The following NECAB3 variants were observed in gnomAD, a reference collection of about 807,000 sequenced individuals.
The protein encoded by NECAB3 is N-terminal EF-hand calcium-binding protein 3.
A neutral mutation model predicts 57.2 loss-of-function variants in NECAB3; 38 were observed. The observed-to-expected ratio is 0.66, with a 90% confidence interval of 0.51 to 0.87. NECAB3 has a LOEUF of 0.87. NECAB3 is among the 40% of genes least tolerant of loss of function. The pLI is 0.00. For missense variants in NECAB3, 474 were observed against 527.5 expected (o/e 0.90, Z 0.99); for synonymous variants, 223 against 222.6 (o/e 1.00, Z -0.02).
Position 33,660,212 on chromosome 20 carries a change from T to C in NECAB3, c.524+47A>G, listed in dbSNP as rs767619063. 3.1e-6 allele frequency: 5 copies of C among 1,594,028 alleles called. No individual in the cohort carries two copies. The Admixed American group carries it at 5.1e-5, about 16-fold the overall frequency. ...GTGGGGATTTGGAATGGGGGTACAA[T>C]GGGCGCTTGTGCACTAGCCCCACAG... On this transcript the variant is annotated intron_variant, in intron 6 of 11. Coordinates refer to ENST00000246190, the MANE Select transcript of NECAB3 (RefSeq NM_031232.4). This position sits in a 1 kb window ranked among gnomAD's most constrained non-coding sequence, Gnocchi z 4.1.
Position 33,659,541 on chromosome 20 carries a change from G to C in NECAB3, c.835C>G (p.Leu279Val). The change falls in exon 8 of 12, where the codon CTG becomes GTG. Residue 279 changes from leucine to valine, a missense_variant. Coordinates refer to ENST00000246190, the MANE Select transcript of NECAB3 (RefSeq NM_031232.4). ...AGGTCCTCTTCACGCAGGGGTTCCA[G>C]CCGGGGGGCCTGTGAGGGCACAGAG... ...PHSVPSQAPR[L>V]EPLREEDLAK... The C allele has an allele frequency of 6.4e-7, 1 of 1,551,058 alleles. No homozygotes were observed.
At position 33,669,417 on chromosome 20, in the gene NECAB3, C is replaced by G; in HGVS notation, c.345G>C (p.Ser115=). The change falls in exon 5 of 12, where the codon TCG becomes TCC. Residue 115 remains serine (S), a synonymous_variant. Transcript: ENST00000246190. ...VYRPVLAALE[S]LNRAVLAAMD... ...TGGCAGCGAGCACTGCACGGTTCAGCGATTCCAATGCAGCCAGCACCGGCC... is the reference window on the plus strand; with the variant it reads ...TGGCAGCGAGCACTGCACGGTTCAGGGATTCCAATGCAGCCAGCACCGGCC... 1 of 1,613,598 alleles carries G rather than the reference C, an allele frequency of 6.2e-7. No individual in the cohort carries two copies. Among genetic ancestry groups the G allele is most frequent in the Non-Finnish European group, 8.5e-7 (1 of 1,180,024 alleles).
intron 5 of NECAB3, chr20:33,667,375 G>T: frequency 8.1e-7 from 1 of 1,239,208 alleles, no homozygotes; most frequent in Non-Finnish European, 1.0e-6. Flanking sequence ...GCTGGTGGGC[G>T]GCCTGCGGGT....
rs113881817 is a variant in NECAB3 at position 33,660,513 on chromosome 20, A to C, written c.388-118T>G. On this transcript the variant is annotated intron_variant, in intron 5 of 11. Transcript: ENST00000246190. This position sits in a 1 kb window ranked among gnomAD's most constrained non-coding sequence, Gnocchi z 4.1. ...GCAGTGCCAAGAGCAGGGGCACGCAAACCTGGCACAGGCAGGAGGGTACTG... is the reference window on the plus strand; with the variant it reads ...GCAGTGCCAAGAGCAGGGGCACGCACACCTGGCACAGGCAGGAGGGTACTG... 3.9e-4 allele frequency: 529 copies of C among 1,352,582 alleles called. 2 individuals are homozygous for C. The African/African-American group carries it at 6.7e-3, about 17-fold the overall frequency. 83.8% of individuals were successfully genotyped at this position (1,352,582 alleles called of 1,614,324 possible).
intron 5 of NECAB3, chr20:33,668,032 C>T: frequency 1.3e-6 from 2 of 1,547,410 alleles, no homozygotes; most frequent in South Asian, 1.2e-5. Context: ...CGCCGAGCGC[C>T]TGGACAAGGA....
At chr20:33,674,202 A>G in intron 1 of NECAB3, 22 bp downstream of exon 1, 1 of 1,257,180 alleles carries the variant, frequency 8.0e-7, no homozygotes, top group Non-Finnish European at 1.0e-6. Context: ...AGACACCGCG[A>G]GCAGAGCCCG....
intron 8 of NECAB3, 111 bp downstream of exon 8, chr20:33,659,386 G>T (rs755558445): frequency 2.2e-6 from 2 of 913,486 alleles, no homozygotes; most frequent in East Asian, 5.5e-5. Context: ...GCCTGGGGGC[G>T]GGGCACATGC....
intron 5 of NECAB3, chr20:33,663,453 G>C (rs530600488): frequency 6.8e-7 from 1 of 1,469,350 alleles, no homozygotes; most frequent in East Asian, 2.5e-5. Flanking sequence ...GAGGGTCCCA[G>C]GAGAAGCGCG....
chr20:33,672,468 A>C, intron 1 of NECAB3, 46 bp from the exon 2 acceptor site: 1 of 1,611,914 alleles, frequency 6.2e-7, no homozygotes, highest in Non-Finnish European at 8.5e-7. Context: ...GCCACCTGGG[A>C]AGCCAGAGGC....
chr20:33,664,439 C>CT, intron 5 of NECAB3: 1 of 175,320 alleles, frequency 5.7e-6, no homozygotes. Context: ...ACACATTGTG[C>CT]TTGGTAACCC....
In NECAB3 at chr20:33,659,629, G is replaced by A; in HGVS notation, c.747C>T (p.Pro249=). 1 of 1,610,364 alleles carries A rather than the reference G, an allele frequency of 6.2e-7. No individual in the cohort carries two copies. Among genetic ancestry groups the A allele is most frequent in the Non-Finnish European group, 8.5e-7 (1 of 1,179,092 alleles). ...GATACCAGGAGGGTCCTCCCTTGTG[G>A]GGCCCTGGCCCCACGGCCCTCACCT... ...ECKVRAVGPG[P]HKGGPSWYPP... The change falls in exon 8 of 12, where the codon CCC becomes CCT. Residue 249 remains proline, a synonymous_variant. Coordinates refer to ENST00000246190, the MANE Select transcript of NECAB3 (RefSeq NM_031232.4).
chr20:33,668,566 T>C (rs1601172059), intron 5 of NECAB3: 2 of 265,638 alleles, frequency 7.5e-6, no homozygotes, highest in African/African-American at 4.4e-5. Context: ...ATGTACCATT[T>C]GGACATACAT....
At chr20:33,674,791 T>G (rs1348848043), upstream of NECAB3, 1 of 152,224 alleles carries the variant, frequency 6.6e-6, no homozygotes, top group Non-Finnish European at 1.5e-5. Context: ...CAATGTCAAG[T>G]GCTTACAACG....
chr20:33,663,493 A>G (rs775530210), intron 5 of NECAB3: 39 of 1,582,406 alleles, frequency 2.5e-5, no homozygotes, highest in Non-Finnish European at 3.0e-5. Context: ...GCTCGGCCCT[A>G]GCGCGCTCTC....
In NECAB3 at chr20:33,670,670, CCT is replaced by C. The variant is rs758825378; in HGVS notation, c.263+12_263+13del. On this transcript the variant is annotated intron_variant, in intron 3 of 11. Transcript: ENST00000246190. ...CTGGCCTCGCATCTACCCACGGCCC[CCT>C]CTCATACTCACTCGGTGAGATGCCC... 8 of 1,594,006 alleles carry C rather than the reference CCT, an allele frequency of 5.0e-6. No homozygotes were observed. Among genetic ancestry groups the C allele is most frequent in the Admixed American group, 1.7e-5 (1 of 59,074 alleles).
intron 5 of NECAB3, chr20:33,668,144 T>C (rs149162067): frequency 4.3e-6 from 7 of 1,611,478 alleles, no homozygotes; most frequent in Non-Finnish European, 4.2e-6. Flanking sequence ...GGCTCCATGG[T>C]GGCCTCCCTG....
At chr20:33,675,057 G>T (rs1338499184), upstream of NECAB3, among the ~76,000 whole-genome samples, 1 of 151,764 alleles carries the variant, frequency 6.6e-6, no homozygotes, top group Admixed American at 6.6e-5. Flanking sequence ...GCACCACTCT[G>T]ACCCTCACCT....
intron 5 of NECAB3, chr20:33,663,843 C>G: frequency 7.1e-7 from 1 of 1,406,500 alleles, no homozygotes; most frequent in Non-Finnish European, 9.2e-7. Flanking sequence ...GCAAACGGTG[C>G]CGCTGCCCTC....
Position 33,659,486 on chromosome 20 carries a change from C to T in NECAB3, c.879+11G>A, listed in dbSNP as rs1296465745. 6.8e-7 allele frequency: 1 copy of T among 1,461,800 alleles called. No homozygotes were observed. The highest frequency in any genetic ancestry group is 9.1e-7 in the Non-Finnish European group (1 of 1,102,052). The allele number at this position is 1,461,800 out of a possible 1,614,324, so 90.6% of individuals were successfully genotyped here. On this transcript the variant is annotated intron_variant, in intron 8 of 11. Coordinates refer to ENST00000246190, the MANE Select transcript of NECAB3 (RefSeq NM_031232.4). ...CGGCCATCCAGCCGCTTGCCCCTCT[C>T]CTGGGCTCACCAAGTCAGGCCCCTT...
Sources: allele counts gnomAD v4.1 joint callset (sites outside exome capture counted in the v4.1 genomes callset), GRCh38; gene constraint gnomAD v4.1.1; non-coding constraint Gnocchi (gnomAD v3.1); transcripts MANE v1.5; gene names NCBI Gene and HGNC (gene_info 2026-07-23, HGNC 2026-07-21).